The following CIT variants were observed in gnomAD, a reference collection of about 807,000 sequenced individuals.
The protein encoded by CIT is citron rho-interacting serine/threonine kinase, also known as citron Rho-interacting kinase.
In CIT, 79 loss-of-function variants were observed where a neutral mutation model predicts 272.7. The ratio of observed to expected loss-of-function variants is 0.29; its 90% CI spans 0.24 to 0.35. The LOEUF is 0.35. Ranked by LOEUF, CIT falls within the 10% of genes least tolerant of loss-of-function variation. The pLI is 1.00. For synonymous variants in CIT, 948 were observed against 995.6 expected, an observed-to-expected ratio of 0.95 and a Z score of 0.90; for missense variants, 1,909 against 2,618.3, an observed-to-expected ratio of 0.73 and a Z score of 5.91.
rs149721030 is a variant in CIT at position 119,785,561 on chromosome 12, C to T, written c.1296-496G>A. 8.5e-3 allele frequency among the ~76,000 whole-genome samples: 1,061 copies of T among 124,848 alleles called. 17 individuals are homozygous for T. Among genetic ancestry groups the T allele is most frequent in the African/African-American group, 0.027 (972 of 36,200 alleles). 81.9% of individuals were successfully genotyped at this position (124,848 alleles called of 152,430 possible). On this transcript the variant is annotated intron_variant, in intron 10 of 47. Coordinates refer to ENST00000392521, the MANE Select transcript of CIT (RefSeq NM_001206999.2). ...GATCTCAGCCCAGTAAAACTCATCCCGGACTTTTTTTTTTTTCTTGGAAAC... is the reference window on the plus strand; with the variant it reads ...GATCTCAGCCCAGTAAAACTCATCCTGGACTTTTTTTTTTTTCTTGGAAAC...
intron 24 of CIT, among the ~76,000 whole-genome samples, chr12:119,741,078 T>G (rs1416981760): frequency 6.6e-6 from 1 of 151,630 alleles, no homozygotes; most frequent in East Asian, 1.9e-4. Context: ...ATGGAAACAA[T>G]CCAAATGTCT....
chr12:119,706,656 T>C lies in CIT; in HGVS notation c.5211+1523A>G, dbSNP rs147359732. Among the ~76,000 whole-genome samples, 305 of 152,360 alleles carry C rather than the reference T, an allele frequency of 2.0e-3. 1 individual carries two copies. The highest frequency in any genetic ancestry group is 6.8e-3 in the African/African-American group (282 of 41,578). On this transcript the variant is annotated intron_variant, in intron 40 of 47. Coordinates refer to ENST00000392521, the MANE Select transcript of CIT (RefSeq NM_001206999.2). ...GAGCTGCATAATATTCCATGGTGTA[T>C]ATGTACCACATTTTCTTTATCCAGT...
intron 24 of CIT, among the ~76,000 whole-genome samples, chr12:119,740,697 C>G (rs971668948): frequency 6.6e-6 from 1 of 152,064 alleles, no homozygotes; most frequent in African/African-American, 2.4e-5. Flanking sequence ...ATAAAATGAT[C>G]TACATTTTAT....
chr12:119,777,801 C>T (rs1325620179), intron 13 of CIT, among the ~76,000 whole-genome samples: 1 of 151,820 alleles, frequency 6.6e-6, no homozygotes, highest in Non-Finnish European at 1.5e-5. Context: ...ACAGGAGAGC[C>T]AAAAGGGATG....
rs1044873513 is a variant in CIT, at chr12:119,817,704, A to G, written c.1111+5116T>C. On this transcript the variant is annotated intron_variant, in intron 9 of 47. Transcript: ENST00000392521. ...CCCAAATGTGTTCATCAATGGAGCCACAGCACCAGCACCTGACATTGCACT... is the reference window on the plus strand; with the variant it reads ...CCCAAATGTGTTCATCAATGGAGCCGCAGCACCAGCACCTGACATTGCACT... Among the ~76,000 whole-genome samples the G allele has an allele frequency of 3.9e-5, 6 of 152,200 alleles. No homozygotes were observed. The South Asian group carries it at 1.2e-3, about 32-fold the overall frequency.
At position 119,734,240 on chromosome 12, in the gene CIT, G is replaced by A; in HGVS notation, c.3274C>T (p.Leu1092=). The change falls in exon 26 of 48, where the codon CTG becomes TTG. Residue 1092 remains leucine, a synonymous_variant. Coordinates refer to ENST00000392521, the MANE Select transcript of CIT (RefSeq NM_001206999.2). ...TCAAACTGGGATTTCTCATCACCCA[G>A]GACGCTCCTCCAGGCCTCCCACTGC... ...ERQWEAWRSV[L]GDEKSQFECR... 1 of 1,613,854 alleles carries A rather than the reference G, an allele frequency of 6.2e-7. No individual in the cohort carries two copies. Among genetic ancestry groups the A allele is most frequent in the African/African-American group, 1.3e-5 (1 of 74,932 alleles).
Position 119,690,195 on chromosome 12 carries a change from G to T in CIT, c.6142C>A (p.Leu2048Met). The T allele has an allele frequency of 1.3e-6, 2 of 1,492,822 alleles. No individual in the cohort carries two copies. Among genetic ancestry groups the T allele is most frequent in the South Asian group, 2.8e-5 (2 of 71,150 alleles). 92.5% of individuals were successfully genotyped at this position (1,492,822 alleles called of 1,614,324 possible). A position where few individuals can be genotyped will look rare whatever the true frequency, so the allele number is the denominator to read the frequency against. ...RLFEDSSRGR[L>M]PAGAVRTPLS... Reference sequence around the variant, plus strand: ...GGGGTCCTCACGGCTCCCGCAGGCAGCCGGCCCCTGCTGCTGTCTTCAAAC... The same window carrying T: ...GGGGTCCTCACGGCTCCCGCAGGCATCCGGCCCCTGCTGCTGTCTTCAAAC... The change falls in exon 47 of 48, where the codon CTG (leucine) becomes ATG (methionine). Residue 2048 changes from leucine to methionine, a missense_variant. Coordinates refer to ENST00000392521, the MANE Select transcript of CIT (RefSeq NM_001206999.2). The surrounding 1 kb of genome is among the most constrained non-coding windows in gnomAD (Gnocchi z 6.0).
At chr12:119,868,984 A>T in intron 3 of CIT, 76 bp downstream of exon 3, 2 of 1,542,988 alleles carry the variant, frequency 1.3e-6, no homozygotes, top group Non-Finnish European at 1.8e-6. Flanking sequence ...ATCAACCAGT[A>T]ACTCATTCTG....
chr12:119,785,147 T>G, intron 10 of CIT, 82 bp from the exon 11 acceptor site: 1 of 1,445,524 alleles, frequency 6.9e-7, no homozygotes, highest in Non-Finnish European at 9.4e-7. Context: ...ATTTGTTTCA[T>G]TTTACAAAAA....
chr12:119,759,506 T>G (rs776203271), intron 20 of CIT, among the ~76,000 whole-genome samples: 5 of 151,946 alleles, frequency 3.3e-5, no homozygotes, highest in Non-Finnish European at 5.9e-5. Flanking sequence ...ATTAGCCAGG[T>G]GCAGTGGCAC....
intron 4 of CIT, among the ~76,000 whole-genome samples, chr12:119,850,833 T>A (rs1970179150): frequency 1.3e-5 from 2 of 152,016 alleles, no homozygotes; most frequent in African/African-American, 4.8e-5. Context: ...CAGCCCAGTA[T>A]CACAGGCCCA....
At position 119,697,355 on chromosome 12, in the gene CIT, A is replaced by G. The variant is rs1956282291; in HGVS notation, c.5882+304T>C. On this transcript the variant is annotated intron_variant, in intron 46 of 47. Coordinates refer to ENST00000392521, the MANE Select transcript of CIT (RefSeq NM_001206999.2). The surrounding 1 kb of genome is among the most constrained non-coding windows in gnomAD (Gnocchi z 4.9). ...CCACAAGCCCAACAACTAGCACCGC[A>G]GAATACCTGCTAAAGCAATAAATGC... 2.6e-5 allele frequency among the ~76,000 whole-genome samples: 4 copies of G among 152,204 alleles called. No individual in the cohort carries two copies. The highest frequency in any genetic ancestry group is 2.6e-4 in the Admixed American group (4 of 15,278).
intron 28 of CIT, among the ~76,000 whole-genome samples, chr12:119,722,343 G>A (rs1957845824): frequency 6.6e-6 from 1 of 152,070 alleles, no homozygotes; most frequent in Non-Finnish European, 1.5e-5. Flanking sequence ...GCAGACTTAG[G>A]GACAGAGAGC....
intron 24 of CIT, among the ~76,000 whole-genome samples, chr12:119,741,107 TAAAC>T (rs958623983): frequency 5.3e-5 from 8 of 150,558 alleles, no homozygotes; most frequent in African/African-American, 1.7e-4. Context: ...GGAGAATGGA[TAAAC>T]AAACTATAGT....
At chr12:119,711,219 A>G (rs756204089) in intron 37 of CIT, 11 of 624,754 alleles carry the variant, frequency 1.8e-5, no homozygotes, top group Non-Finnish European at 2.7e-5. Context: ...AGAATCTGCC[A>G]ATTGCTAACA....
chr12:119,710,751 T>G lies in CIT; in HGVS notation c.4855-131A>C. 1.2e-6 allele frequency: 1 copy of G among 860,200 alleles called. No individual in the cohort carries two copies. The allele number at this position is 860,200 out of a possible 1,614,324, so 53.3% of individuals were successfully genotyped here. A position where few individuals can be genotyped will look rare whatever the true frequency, so the allele number is the denominator to read the frequency against. ...CTGGAAATGCTCAGAAACGCACATA[T>G]GCTCTTAGCTCAGCCCGTATTTTGA... On this transcript the variant is annotated intron_variant, in intron 37 of 47. Coordinates refer to ENST00000392521, the MANE Select transcript of CIT (RefSeq NM_001206999.2). The surrounding 1 kb of genome is among the most constrained non-coding windows in gnomAD (Gnocchi z 5.6).
At chr12:119,849,235 C>T (rs1418330998) in intron 5 of CIT, among the ~76,000 whole-genome samples, 1 of 152,036 alleles carries the variant, frequency 6.6e-6, no homozygotes, top group Non-Finnish European at 1.5e-5. Flanking sequence ...GCGGCCAGCC[C>T]GGCCAACGTG....
chr12:119,821,271 G>A (rs1374033008), intron 9 of CIT, among the ~76,000 whole-genome samples: 1 of 151,518 alleles, frequency 6.6e-6, no homozygotes, highest in Non-Finnish European at 1.5e-5. Flanking sequence ...CTCCAGCCTG[G>A]GCAACAAGAG....
intron 3 of CIT, among the ~76,000 whole-genome samples, chr12:119,865,883 A>G (rs78202366): frequency 4.3e-4 from 61 of 140,632 alleles, no homozygotes; most frequent in East Asian, 2.2e-3. Flanking sequence ...AAAAAAAAAA[A>G]GGATATACAT....
Sources: allele counts gnomAD v4.1 joint callset (sites outside exome capture counted in the v4.1 genomes callset), GRCh38; gene constraint gnomAD v4.1.1; non-coding constraint Gnocchi (gnomAD v3.1); transcripts MANE v1.5; gene names NCBI Gene and HGNC (gene_info 2026-07-23, HGNC 2026-07-21).